CREBRF: variants seen among roughly 807,000 people sequenced by gnomAD.
The protein encoded by CREBRF is CREB3 regulatory factor, also known as UPF0474 protein C5orf41.
A neutral mutation model predicts 66.1 loss-of-function variants in CREBRF; 5 were observed. The ratio of observed to expected loss-of-function variants is 0.08; its 90% CI spans 0.04 to 0.16. The LOEUF (loss-of-function observed/expected upper bound fraction) is 0.16. CREBRF is among the 10% of genes least tolerant of loss of function. The probability of loss-of-function intolerance (pLI) is 1.00; values close to 1 mark genes in which losing one functional copy is unlikely to be tolerated. For synonymous variants in CREBRF, 229 were observed against 264.4 expected, an observed-to-expected ratio of 0.87 and a Z score of 1.30; for missense variants, 531 against 744.9, an observed-to-expected ratio of 0.71 and a Z score of 3.34.
intron 1 of CREBRF, among the ~76,000 whole-genome samples, chr5:173,059,986 T>G (rs1007982599): frequency 2.0e-5 from 3 of 152,072 alleles, no homozygotes; most frequent in African/African-American, 7.2e-5. Context: ...TCTACTTAGT[T>G]TACAGGGTGG....
Position 173,056,422 on chromosome 5 carries a change from G to A in CREBRF, c.-249G>A. On this transcript the variant is annotated 5_prime_UTR_variant, in exon 1 of 9. Coordinates refer to ENST00000296953, the MANE Select transcript of CREBRF (RefSeq NM_153607.3). The stretch of plus-strand genomic sequence containing the variant: ...ACAAACCCGAGGCAGCATGGAGAGG[G>A]GCCGTGGCCCCTGCAGCGGAACCGG... 1 of 398,364 alleles carries A rather than the reference G, an allele frequency of 2.5e-6. No individual in the cohort carries two copies. Among genetic ancestry groups the A allele is most frequent in the Non-Finnish European group, 4.4e-6 (1 of 225,878 alleles). 24.7% of individuals were successfully genotyped at this position (398,364 alleles called of 1,614,324 possible).
intron 7 of CREBRF, among the ~76,000 whole-genome samples, chr5:173,114,457 C>G (rs577769461): frequency 6.6e-6 from 1 of 152,158 alleles, no homozygotes; most frequent in Non-Finnish European, 1.5e-5. Context: ...GGCTTACCAA[C>G]TTTATATTTT....
At chr5:173,121,205 G>A (rs1561815964) in intron 7 of CREBRF, among the ~76,000 whole-genome samples, 1 of 152,140 alleles carries the variant, frequency 6.6e-6, no homozygotes, top group Non-Finnish European at 1.5e-5. Flanking sequence ...GGGGTTGTCA[G>A]TGTTATTGAT....
chr5:173,090,434 C>G lies in CREBRF; in HGVS notation c.255C>G (p.Thr85=). 1 of 1,613,974 alleles carries G rather than the reference C, an allele frequency of 6.2e-7. No individual in the cohort carries two copies. Among genetic ancestry groups the G allele is most frequent in the Non-Finnish European group, 8.5e-7 (1 of 1,179,914 alleles). Residue 85 remains threonine (T), a synonymous_variant, in exon 4 of 9, where the codon ACC becomes ACG. Coordinates refer to ENST00000296953, the MANE Select transcript of CREBRF (RefSeq NM_153607.3). The surrounding 1 kb of genome is among the most constrained non-coding windows in gnomAD (Gnocchi z 4.5). ...TDVLDNEGAL[T]SNWEQWDTYC... Reference sequence around the variant, plus strand: ...TCCTGGATAATGAGGGTGCTTTAACCTCAAACTGGGAACAGTGGGATACAT... The same window carrying G: ...TCCTGGATAATGAGGGTGCTTTAACGTCAAACTGGGAACAGTGGGATACAT...
At chr5:173,096,850 CTATTGAGACGATTATATTGTTTTTATCCT>C (rs1262489180) in intron 4 of CREBRF, among the ~76,000 whole-genome samples, 1 of 152,082 alleles carries the variant, frequency 6.6e-6, no homozygotes, top group Non-Finnish European at 1.5e-5. Context: ...CTTTCCATAT[CTATTGAGACGATTATATTGTTTTTATCCT>C]TCAGTCTGTT....
chr5:173,130,589 A>C (rs571331675), intron 8 of CREBRF, among the ~76,000 whole-genome samples: 1 of 151,482 alleles, frequency 6.6e-6, no homozygotes, highest in Non-Finnish European at 1.5e-5. Context: ...CAGTGGTGCT[A>C]TCATAGCTCA....
intron 5 of CREBRF, chr5:173,109,578 T>A (rs1312699596): frequency 1.3e-5 from 2 of 152,214 alleles, no homozygotes; most frequent in Non-Finnish European, 2.9e-5. Context: ...ATGTTATTTT[T>A]AAATTAATCC....
intron 5 of CREBRF, chr5:173,109,024 G>A: frequency 1.9e-6 from 1 of 521,320 alleles, no homozygotes; most frequent in South Asian, 3.1e-5. Flanking sequence ...TAAGTGGAGA[G>A]GAAGGACTGT....
Position 173,056,491 on chromosome 5 carries a change from C to A in CREBRF, c.-192+12C>A. 1 of 398,362 alleles carries A rather than the reference C, an allele frequency of 2.5e-6. No individual in the cohort carries two copies. Among genetic ancestry groups the A allele is most frequent in the Non-Finnish European group, 4.4e-6 (1 of 225,892 alleles). 24.7% of individuals were successfully genotyped at this position (398,362 alleles called of 1,614,324 possible). A position where few individuals can be genotyped will look rare whatever the true frequency, so the allele number is the denominator to read the frequency against. ...CCCTACACCCACAGGTGAGCGCCGC[C>A]ACCCGCTGCTCGGAACCCCCAGGGG... On this transcript the variant is annotated intron_variant, in intron 1 of 8. Coordinates refer to ENST00000296953, the MANE Select transcript of CREBRF (RefSeq NM_153607.3).
At chr5:173,092,690 G>A (rs1330372879) in intron 4 of CREBRF, among the ~76,000 whole-genome samples, 4 of 152,102 alleles carry the variant, frequency 2.6e-5, no homozygotes, top group East Asian at 1.9e-4. Flanking sequence ...TCTGAAAGGC[G>A]TTTAAAGCAT....
chr5:173,106,609 TGTG>T (rs1758756732), intron 4 of CREBRF, among the ~76,000 whole-genome samples: 1 of 152,208 alleles, frequency 6.6e-6, no homozygotes, highest in South Asian at 2.1e-4. Context: ...TCATGTTTAT[TGTG>T]GTATAATTTT....
At chr5:173,071,775 G>T (rs1174703419) in intron 1 of CREBRF, among the ~76,000 whole-genome samples, 1 of 151,520 alleles carries the variant, frequency 6.6e-6, no homozygotes, top group Non-Finnish European at 1.5e-5. Flanking sequence ...ATTATTTTAG[G>T]CTGGGCATGG....
chr5:173,100,131 A>ATATAATTTTTT (rs1554125245), intron 4 of CREBRF, among the ~76,000 whole-genome samples: 1 of 42,864 alleles, frequency 2.3e-5, no homozygotes, highest in African/African-American at 9.6e-5. Context: ...TATATATATA[A>ATATAATTTTTT]TTTTTTTTTT....
At chr5:173,068,074 G>A (rs1757488382) in intron 1 of CREBRF, 1 of 443,420 alleles carries the variant, frequency 2.3e-6, no homozygotes, top group African/African-American at 2.0e-5. Flanking sequence ...GCACTTGTTA[G>A]GTCCTTTTTA....
At chr5:173,077,282 A>T (rs543251877) in intron 1 of CREBRF, among the ~76,000 whole-genome samples, 14 of 152,228 alleles carry the variant, frequency 9.2e-5, no homozygotes, top group East Asian at 7.7e-4. Flanking sequence ...CGTAAAAAAA[A>T]TTTTTTGTGG....
At chr5:173,112,110 A>C (rs1758883833) in intron 6 of CREBRF, among the ~76,000 whole-genome samples, 196 bp from the exon 7 acceptor site, 1 of 152,182 alleles carries the variant, frequency 6.6e-6, no homozygotes, top group Non-Finnish European at 1.5e-5. Flanking sequence ...AATTCACTTA[A>C]AAAAGAAAGC....
At chr5:173,089,147 A>C (rs999976523) in intron 3 of CREBRF, among the ~76,000 whole-genome samples, 1 of 147,100 alleles carries the variant, frequency 6.8e-6, no homozygotes, top group Non-Finnish European at 1.5e-5. Context: ...ACTGCACTCC[A>C]GTCTGGGTGA....
chr5:173,070,439 C>T (rs1377102914), intron 1 of CREBRF, among the ~76,000 whole-genome samples: 1 of 152,080 alleles, frequency 6.6e-6, no homozygotes, highest in Non-Finnish European at 1.5e-5. Context: ...TCTTTAACAT[C>T]CTGCATAAAA....
At chr5:173,102,914 TC>T (rs1377000734) in intron 4 of CREBRF, among the ~76,000 whole-genome samples, 2 of 152,146 alleles carry the variant, frequency 1.3e-5, no homozygotes, top group Non-Finnish European at 2.9e-5. Flanking sequence ...GACCTTTAAC[TC>T]CACTCTAAAT....
Sources: gnomAD v4.1 joint callset for allele counts (sites outside exome capture counted in the v4.1 genomes callset) on GRCh38, gnomAD v4.1.1 for gene constraint, Gnocchi (gnomAD v3.1) non-coding constraint, MANE v1.5 for transcripts, NCBI Gene and HGNC (gene_info 2026-07-23, HGNC 2026-07-21) for gene names.